CEP112: variants seen among roughly 807,000 people sequenced by gnomAD.
The protein encoded by CEP112 is centrosomal protein of 112 kDa.
In CEP112, 127 loss-of-function variants were observed where a neutral mutation model predicts 153.0. That is an observed-to-expected ratio of 0.83 (90% CI 0.72 to 0.96). The LOEUF (loss-of-function observed/expected upper bound fraction) is 0.96. Ranked by LOEUF, CEP112 falls within the 40% of genes least tolerant of loss-of-function variation. The probability of loss-of-function intolerance (pLI) is 0.00; values close to 1 mark genes in which losing one functional copy is unlikely to be tolerated. For missense variants in CEP112, 1,089 were observed against 1,101.2 expected, an observed-to-expected ratio of 0.99 and a Z score of 0.16; for synonymous variants, 358 against 374.4, an observed-to-expected ratio of 0.96 and a Z score of 0.51.
At chr17:65,665,941 G>A (rs1001448209) in intron 24 of CEP112, among the ~76,000 whole-genome samples, 1 of 152,108 alleles carries the variant, frequency 6.6e-6, no homozygotes, top group Non-Finnish European at 1.5e-5. Flanking sequence ...GATTGCTTTG[G>A]GTACTGACAC....
intron 20 of CEP112, among the ~76,000 whole-genome samples, chr17:65,855,106 T>C (rs563181589): frequency 6.6e-6 from 1 of 152,192 alleles, no homozygotes; most frequent in South Asian, 2.1e-4. Flanking sequence ...AAAAGCAAAT[T>C]TTGAGAAGCT....
chr17:65,804,668 A>C (rs1277835549), intron 21 of CEP112, among the ~76,000 whole-genome samples: 2 of 152,188 alleles, frequency 1.3e-5, no homozygotes, highest in South Asian at 2.1e-4. Flanking sequence ...TAAATATAAA[A>C]TTTATTTTCA....
At chr17:65,795,666 G>C (rs1217991630) in intron 21 of CEP112, among the ~76,000 whole-genome samples, 1 of 151,972 alleles carries the variant, frequency 6.6e-6, no homozygotes, top group Admixed American at 6.6e-5. Flanking sequence ...ACAAAAATTA[G>C]CTGGGCATGG....
At chr17:65,978,087 T>G (rs2063101779) in intron 17 of CEP112, among the ~76,000 whole-genome samples, 1 of 151,372 alleles carries the variant, frequency 6.6e-6, no homozygotes, top group South Asian at 2.1e-4. Context: ...AAAAAATTTT[T>G]TTAAATAAAA....
At chr17:65,956,409 TACACACACACAC>T (rs55652336) in intron 18 of CEP112, among the ~76,000 whole-genome samples, 3 of 146,618 alleles carry the variant, frequency 2.0e-5, no homozygotes, top group Non-Finnish European at 1.5e-5. Flanking sequence ...CATACATACA[TACACACACACAC>T]ACACACACAC....
At chr17:65,919,411 G>A (rs903536687) in intron 19 of CEP112, among the ~76,000 whole-genome samples, 47 of 152,230 alleles carry the variant, frequency 3.1e-4, no homozygotes, top group Middle Eastern at 3.4e-3. Flanking sequence ...ATCCCCTCCT[G>A]ATGTGAAATG....
At chr17:66,132,827 C>G (rs1220553289) in intron 4 of CEP112, 64 bp from the exon 5 acceptor site, 7 of 1,026,630 alleles carry the variant, frequency 6.8e-6, no homozygotes, top group Non-Finnish European at 1.1e-5. Context: ...GTATTAGAAT[C>G]TAGGATTACC....
intron 8 of CEP112, among the ~76,000 whole-genome samples, chr17:66,078,252 CTTTTCTTTTTCT>C (rs377354673): frequency 3.6e-5 from 5 of 138,144 alleles, no homozygotes; most frequent in East Asian, 2.3e-4. Flanking sequence ...TTTTTCTTTT[CTTTTCTTTTTCT>C]TTTTTTTTTT....
At chr17:66,187,300 T>C (rs1483937288) in intron 1 of CEP112, among the ~76,000 whole-genome samples, 1 of 152,172 alleles carries the variant, frequency 6.6e-6, no homozygotes, top group African/African-American at 2.4e-5. Context: ...CATTCTAGCA[T>C]TCCATTCGCC....
chr17:65,705,935 G>A (rs967773321), intron 23 of CEP112, among the ~76,000 whole-genome samples: 2 of 152,162 alleles, frequency 1.3e-5, no homozygotes, highest in Non-Finnish European at 2.9e-5. Context: ...GTTTCTGAGA[G>A]GCATTCTGAA....
intron 4 of CEP112, among the ~76,000 whole-genome samples, chr17:66,156,811 A>C (rs1160123036): frequency 3.3e-5 from 5 of 152,132 alleles, no homozygotes; most frequent in Non-Finnish European, 7.3e-5. Context: ...AATGAAATTA[A>C]GTGTGAAGAC....
chr17:65,967,322 C>T lies in CEP112; in HGVS notation c.1737-5724G>A, dbSNP rs189639840. Among the ~76,000 whole-genome samples, 283 of 152,284 alleles carry T rather than the reference C, an allele frequency of 1.9e-3. 2 individuals are homozygous for T. Among genetic ancestry groups the T allele is most frequent in the African/African-American group, 5.8e-3 (241 of 41,556 alleles). On this transcript the variant is annotated intron_variant, in intron 17 of 26. Coordinates refer to ENST00000535342, the MANE Select transcript of CEP112 (RefSeq NM_001199165.4). ...AGCTAGGACGTCTATAAATCTATGA[C>T]GCCAACTGGATTTGAATCATAATTC...
intron 8 of CEP112, among the ~76,000 whole-genome samples, chr17:66,071,611 CA>C (rs1205168230): frequency 2.0e-5 from 3 of 151,980 alleles, no homozygotes; most frequent in Admixed American, 2.0e-4. Context: ...ATTTATTGAC[CA>C]AGTTAGGAAT....
intron 24 of CEP112, among the ~76,000 whole-genome samples, chr17:65,652,370 C>T (rs993716088): frequency 3.3e-5 from 5 of 151,750 alleles, no homozygotes; most frequent in South Asian, 2.1e-4. Flanking sequence ...TCAAGGCCAC[C>T]GTGAAGATTA....
At chr17:65,701,230 G>C (rs1022646133) in intron 23 of CEP112, among the ~76,000 whole-genome samples, 1 of 152,150 alleles carries the variant, frequency 6.6e-6, no homozygotes, top group Non-Finnish European at 1.5e-5. Flanking sequence ...TGCAGGGCTT[G>C]GTCATGCAAC....
At position 66,067,103 on chromosome 17, in the gene CEP112, A is replaced by G. The variant is rs183287651; in HGVS notation, c.856-226T>C. Among the ~76,000 whole-genome samples the G allele has an allele frequency of 2.3e-3, 343 of 152,032 alleles. 1 individual carries two copies. Among genetic ancestry groups the G allele is most frequent in the Non-Finnish European group, 2.9e-3 (194 of 67,974 alleles). Reference sequence around the variant, plus strand: ...AGCTTTACTGTCTGCTGTTTCAGTTAGATGCGTGTGTTTTTGTGTATGTCC... The same window carrying G: ...AGCTTTACTGTCTGCTGTTTCAGTTGGATGCGTGTGTTTTTGTGTATGTCC... On this transcript the variant is annotated intron_variant, in intron 9 of 26. Transcript: ENST00000535342.
chr17:66,114,010 C>T (rs1451912558), intron 6 of CEP112, among the ~76,000 whole-genome samples: 1 of 151,872 alleles, frequency 6.6e-6, no homozygotes, highest in Non-Finnish European at 1.5e-5. Context: ...CTCATACTAC[C>T]TCAAAAAAAG....
At chr17:65,751,478 G>C (rs922035489) in intron 21 of CEP112, among the ~76,000 whole-genome samples, 1 of 152,080 alleles carries the variant, frequency 6.6e-6, no homozygotes, top group African/African-American at 2.4e-5. Flanking sequence ...TCAATCATGC[G>C]GGCACTAAAG....
intron 1 of CEP112, among the ~76,000 whole-genome samples, chr17:66,190,309 C>CA (rs35433446): frequency 0.17 from 20,248 of 118,972 alleles, 1,690 homozygotes; most frequent in Non-Finnish European, 0.24. Context: ...AGCTCCGTCT[C>CA]AAAAAAAAAA....
Sources: gnomAD v4.1 joint callset for allele counts (sites outside exome capture counted in the v4.1 genomes callset) on GRCh38, gnomAD v4.1.1 for gene constraint, MANE v1.5 for transcripts, NCBI Gene and HGNC (gene_info 2026-07-23, HGNC 2026-07-21) for gene names.